Variants in PDE4B observed in about 807,000 individuals in gnomAD.
PDE4B encodes 3',5'-cyclic-AMP phosphodiesterase 4B.
Under a neutral mutation model 82.2 loss-of-function variants are expected in PDE4B, and 20 were observed. The ratio of observed to expected loss-of-function variants is 0.24; its 90% CI spans 0.17 to 0.35. The LOEUF (loss-of-function observed/expected upper bound fraction) is 0.35. Ranked by LOEUF, PDE4B falls within the 10% of genes least tolerant of loss-of-function variation. The pLI is 1.00. For synonymous variants in PDE4B, 320 were observed against 318.9 expected (o/e 1.00, Z -0.04); for missense variants, 655 against 907.2 (o/e 0.72, Z 3.57).
intron 3 of PDE4B, among the ~76,000 whole-genome samples, chr1:66,152,981 A>G (rs769301792): frequency 2.0e-5 from 3 of 152,160 alleles, no homozygotes; most frequent in East Asian, 1.9e-4. Flanking sequence ...TGTTAACCAC[A>G]TCTACAAAAC....
intron 1 of PDE4B, among the ~76,000 whole-genome samples, chr1:65,905,454 A>G (rs1034576999): frequency 1.1e-4 from 17 of 152,120 alleles, no homozygotes; most frequent in African/African-American, 4.1e-4. Context: ...AAGCAAGTGG[A>G]AGCAAAAATA....
intron 3 of PDE4B, among the ~76,000 whole-genome samples, chr1:66,152,756 C>G (rs539727114): frequency 7.2e-5 from 11 of 151,950 alleles, no homozygotes; most frequent in Admixed American, 6.5e-4. Context: ...AGACTAGAAA[C>G]TCAGTCGGGA....
intron 3 of PDE4B, among the ~76,000 whole-genome samples, chr1:66,141,072 T>C (rs1294840179): frequency 6.6e-6 from 1 of 152,144 alleles, no homozygotes; most frequent in Non-Finnish European, 1.5e-5. Context: ...TAAATGTGTG[T>C]GTATGTCTAT....
chr1:65,911,256 C>T (rs920053699), intron 1 of PDE4B, among the ~76,000 whole-genome samples: 12 of 152,138 alleles, frequency 7.9e-5, no homozygotes, highest in African/African-American at 2.9e-4. Flanking sequence ...ACATGTATTG[C>T]ACTCTTGGCA....
chr1:66,367,932 T>C lies in PDE4B; in HGVS notation c.1540-11T>C. 1 of 1,613,212 alleles carries C rather than the reference T, an allele frequency of 6.2e-7. No homozygotes were observed. The highest frequency in any genetic ancestry group is 8.5e-7 in the Non-Finnish European group (1 of 1,179,618). On this transcript the variant is annotated splice_polypyrimidine_tract_variant and intron_variant, in intron 14 of 16. Transcript: ENST00000341517. ...AATTTATTAAGAGTTTTCATTTTCTTTTTACCCAAGGTGTTAGCAACTGAT... is the reference window on the plus strand; with the variant it reads ...AATTTATTAAGAGTTTTCATTTTCTCTTTACCCAAGGTGTTAGCAACTGAT...
chr1:66,186,408 C>G (rs1647214333), intron 3 of PDE4B, among the ~76,000 whole-genome samples: 1 of 152,134 alleles, frequency 6.6e-6, no homozygotes, highest in African/African-American at 2.4e-5. Flanking sequence ...AGCATCGAAT[C>G]TATAAATCAC....
At chr1:65,877,630 A>ATAC (rs1646661457) in intron 1 of PDE4B, among the ~76,000 whole-genome samples, 1 of 150,622 alleles carries the variant, frequency 6.6e-6, no homozygotes, top group African/African-American at 2.4e-5. Flanking sequence ...TAAATAAATA[A>ATAC]ATAAATAAAT....
intron 3 of PDE4B, among the ~76,000 whole-genome samples, chr1:66,080,675 C>T (rs1470023837): frequency 6.6e-6 from 1 of 152,132 alleles, no homozygotes; most frequent in Non-Finnish European, 1.5e-5. Flanking sequence ...GTTACAGGTA[C>T]ACTCTGGCCT....
intron 4 of PDE4B, among the ~76,000 whole-genome samples, chr1:66,250,473 G>C (rs1251919095): frequency 6.6e-5 from 10 of 152,178 alleles, no homozygotes; most frequent in Admixed American, 6.5e-4. Flanking sequence ...TCAGGGGAGA[G>C]TGAGTGAAAA....
intron 1 of PDE4B, among the ~76,000 whole-genome samples, chr1:65,856,985 TC>T (rs1293024462): frequency 6.6e-6 from 1 of 152,176 alleles, no homozygotes; most frequent in African/African-American, 2.4e-5. Flanking sequence ...TCTGATCTTG[TC>T]TTTGATGGTA....
At position 65,844,961 on chromosome 1, in the gene PDE4B, G is replaced by T. The variant is rs111259704; in HGVS notation, c.-71+51713G>T. ...GGATCAATTCAGTGGGTTGTAGTTT[G>T]ACATATGAAGTGATAACTGTATGCC... On this transcript the variant is annotated intron_variant, in intron 1 of 16. Coordinates refer to ENST00000341517, the MANE Select transcript of PDE4B (RefSeq NM_002600.4). Among the ~76,000 whole-genome samples, 288 of 152,298 alleles carry T rather than the reference G, an allele frequency of 1.9e-3. 1 individual carries two copies. Among genetic ancestry groups the T allele is most frequent in the African/African-American group, 6.4e-3 (264 of 41,560 alleles).
intron 3 of PDE4B, among the ~76,000 whole-genome samples, chr1:66,119,960 A>G (rs1400171078): frequency 6.6e-6 from 1 of 152,206 alleles, no homozygotes; most frequent in African/African-American, 2.4e-5. Flanking sequence ...AGAGAGAGGC[A>G]TGGAACAAAG....
rs183591465 is a variant in PDE4B, at chr1:66,056,368, G to A, written c.281+137533G>A. ...GCATATGACTGTGGAAGAATGGTCAGAGACATGCAATGCTAATTGCTTTGA... is the reference window on the plus strand; with the variant it reads ...GCATATGACTGTGGAAGAATGGTCAAAGACATGCAATGCTAATTGCTTTGA... On this transcript the variant is annotated intron_variant, in intron 3 of 16. Transcript: ENST00000341517. Among the ~76,000 whole-genome samples the A allele has an allele frequency of 5.1e-3, 769 of 152,274 alleles. 1 individual carries two copies. Among genetic ancestry groups the A allele is most frequent in the Non-Finnish European group, 8.2e-3 (560 of 68,026 alleles).
intron 1 of PDE4B, among the ~76,000 whole-genome samples, chr1:65,821,963 C>T (rs1645957798): frequency 6.6e-6 from 1 of 152,132 alleles, no homozygotes. Context: ...AAAAACAGAA[C>T]GTTACCAACA....
intron 1 of PDE4B, among the ~76,000 whole-genome samples, chr1:65,887,247 T>TTTCTTTCCTTTC (rs1297971405): frequency 2.7e-5 from 1 of 37,728 alleles, no homozygotes; most frequent in South Asian, 1.4e-3. Flanking sequence ...TCTTTCTTTC[T>TTTCTTTCCTTTC]TTTCTTTCTT....
intron 7 of PDE4B, among the ~76,000 whole-genome samples, chr1:66,276,536 A>G (rs1413725029): frequency 6.6e-6 from 1 of 152,252 alleles, no homozygotes. Flanking sequence ...ATTATTACAT[A>G]CTAGAGGACT....
At chr1:65,836,778 A>G (rs114041210) in intron 1 of PDE4B, among the ~76,000 whole-genome samples, 1,651 of 152,268 alleles carry the variant, frequency 0.011, 33 homozygotes, top group African/African-American at 0.038. Context: ...TCTATTTTAG[A>G]GAAGGATGCC....
At chr1:65,973,479 T>C (rs749319482) in intron 3 of PDE4B, among the ~76,000 whole-genome samples, 36 of 152,164 alleles carry the variant, frequency 2.4e-4, no homozygotes, top group Non-Finnish European at 4.9e-4. Flanking sequence ...TCTTTGAATG[T>C]ACAATGGGAG....
At chr1:66,333,974 C>T (rs1660318792) in intron 8 of PDE4B, among the ~76,000 whole-genome samples, 1 of 152,194 alleles carries the variant, frequency 6.6e-6, no homozygotes, top group Non-Finnish European at 1.5e-5. Flanking sequence ...ATTTTCCAGG[C>T]TGGGGTAAAA....
Sources: allele counts gnomAD v4.1 joint callset (sites outside exome capture counted in the v4.1 genomes callset), GRCh38; gene constraint gnomAD v4.1.1; transcripts MANE v1.5; gene names NCBI Gene and HGNC (gene_info 2026-07-23, HGNC 2026-07-21).